The following PPP4R3B variants were observed in gnomAD, a reference collection of about 807,000 sequenced individuals.
PPP4R3B encodes the protein protein phosphatase 4 regulatory subunit 3B.
PPP4R3B carries 52 observed loss-of-function variants against 95.4 expected under a neutral mutation model. That is an observed-to-expected ratio of 0.54 (90% CI 0.44 to 0.69). PPP4R3B has a LOEUF of 0.69. Among genes scored for constraint, PPP4R3B ranks in the 30% least tolerant of loss-of-function variants. The pLI is 0.00. For missense variants in PPP4R3B, 1,003 were observed against 1,005.9 expected, an observed-to-expected ratio of 1.00 and a Z score of 0.04; for synonymous variants, 407 against 343.9, an observed-to-expected ratio of 1.18 and a Z score of -2.03.
chr2:55,557,633 C>T (rs1686023423), intron 16 of PPP4R3B, among the ~76,000 whole-genome samples: 1 of 152,202 alleles, frequency 6.6e-6, no homozygotes, highest in Admixed American at 6.5e-5. Context: ...TCTCACTATA[C>T]TACTGAATGA....
At chr2:55,604,813 C>CACACACACAT (rs1440216738) in intron 2 of PPP4R3B, among the ~76,000 whole-genome samples, 1 of 151,894 alleles carries the variant, frequency 6.6e-6, no homozygotes, top group Non-Finnish European at 1.5e-5. Flanking sequence ...CACACACACA[C>CACACACACAT]ACATACACAC....
chr2:55,614,392 A>G (rs545190908), intron 2 of PPP4R3B: 2 of 152,234 alleles, frequency 1.3e-5, no homozygotes, highest in Admixed American at 6.5e-5. Flanking sequence ...TATGTCATAC[A>G]TAAGAATACT....
At position 55,573,911 on chromosome 2, in the gene PPP4R3B, CAAA is replaced by C. The variant is rs202004671; in HGVS notation, c.1607-137_1607-135del. 283 of 474,114 alleles carry C rather than the reference CAAA, an allele frequency of 6.0e-4. 4 individuals are homozygous for C. In the East Asian group the frequency reaches 0.01, roughly 17 times the overall value. The allele number at this position is 474,114 out of a possible 1,614,324, so 29.4% of individuals were successfully genotyped here. ...CTTTTTTTTTTTTTTTTTTTTGAGACAAAGTCTCACTCTGTCACCCAGTTTGGA... is the reference window on the plus strand; with the variant it reads ...CTTTTTTTTTTTTTTTTTTTTGAGACGTCTCACTCTGTCACCCAGTTTGGA... On this transcript the variant is annotated intron_variant, in intron 11 of 16. Coordinates refer to ENST00000616407, the MANE Select transcript of PPP4R3B (RefSeq NM_001122964.3).
At chr2:55,568,102 A>T in intron 13 of PPP4R3B, 92 bp downstream of exon 13, 1 of 838,480 alleles carries the variant, frequency 1.2e-6, no homozygotes. Context: ...GTGAAAAGGG[A>T]ATGAAGTCAC....
chr2:55,565,545 C>T (rs1174713117), intron 13 of PPP4R3B, among the ~76,000 whole-genome samples: 2 of 151,964 alleles, frequency 1.3e-5, no homozygotes, highest in Non-Finnish European at 2.9e-5. Flanking sequence ...ACCCCAAATA[C>T]CCGGACTTGA....
At position 55,547,523 on chromosome 2, in the gene PPP4R3B, A is replaced by G. The variant is rs1684853642; in HGVS notation, c.*2388T>C. ...GGGATATTTTAAGCCTTGTTCTCTT[A>G]TCGTCGTAGGTAAGCACTTGTACCA... is the stretch of plus-strand genomic sequence containing the variant. On this transcript the variant is annotated 3_prime_UTR_variant, in exon 17 of 17. Transcript: ENST00000616407. The G allele has an allele frequency of 6.6e-6, 1 of 152,220 alleles. No individual in the cohort carries two copies. Among genetic ancestry groups the G allele is most frequent in the Admixed American group, 6.5e-5 (1 of 15,278 alleles). The allele number at this position is 152,220 out of a possible 1,614,324, so 9.4% of individuals were successfully genotyped here.
chr2:55,578,639 T>A (rs1324759470), intron 9 of PPP4R3B, among the ~76,000 whole-genome samples: 1 of 152,074 alleles, frequency 6.6e-6, no homozygotes, highest in Non-Finnish European at 1.5e-5. Flanking sequence ...TTTTATTCAT[T>A]TTCCTACCAC....
intron 1 of PPP4R3B, among the ~76,000 whole-genome samples, chr2:55,615,722 C>G (rs1196538009): frequency 6.6e-6 from 1 of 151,574 alleles, no homozygotes; most frequent in Admixed American, 6.6e-5. Context: ...CGTGGTGGCG[C>G]ATGCCTGTAG....
intron 6 of PPP4R3B, among the ~76,000 whole-genome samples, chr2:55,586,034 A>T (rs1690090800): frequency 6.6e-6 from 1 of 151,604 alleles, no homozygotes; most frequent in African/African-American, 2.4e-5. Flanking sequence ...ATTAGCAGGA[A>T]AAAAAAAGTA....
chr2:55,614,424 C>T (rs142482245), intron 2 of PPP4R3B: 1 of 152,224 alleles, frequency 6.6e-6, no homozygotes, highest in African/African-American at 2.4e-5. Context: ...AAAAAGAAAA[C>T]TAGATCTACA....
chr2:55,577,080 C>G (rs377571617), intron 11 of PPP4R3B, among the ~76,000 whole-genome samples: 37 of 152,272 alleles, frequency 2.4e-4, no homozygotes, highest in African/African-American at 8.4e-4. Flanking sequence ...CAGACAATGC[C>G]TTCTCATAAC....
In PPP4R3B at chr2:55,598,571, C is replaced by T. The variant is rs758543238; in HGVS notation, c.766G>A (p.Asp256Asn). The T allele has an allele frequency of 6.8e-6, 11 of 1,614,152 alleles. No individual in the cohort carries two copies. Among genetic ancestry groups the T allele is most frequent in the Non-Finnish European group, 9.3e-6 (11 of 1,180,028 alleles). The change falls in exon 4 of 17, where the codon GAC (aspartate) becomes AAC (asparagine). Residue 256 changes from aspartate to asparagine, a missense_variant. Physicochemically the swap from Asp to Asn is conservative, Grantham distance 23 (BLOSUM62 1). Coordinates refer to ENST00000616407, the MANE Select transcript of PPP4R3B (RefSeq NM_001122964.3). ...AKFKEVIPITDSELRQKIHQT... is the reference protein window; with the variant it reads ...AKFKEVIPITNSELRQKIHQT... Reference sequence around the variant, plus strand: ...TGTATTTTTTGCCTTAGTTCAGAGTCTGTTATTGGTATAACTTCCTTGAAC... The same window carrying T: ...TGTATTTTTTGCCTTAGTTCAGAGTTTGTTATTGGTATAACTTCCTTGAAC...
intron 10 of PPP4R3B, among the ~76,000 whole-genome samples, chr2:55,577,703 T>C (rs1294474891): frequency 6.6e-6 from 1 of 152,144 alleles, no homozygotes; most frequent in African/African-American, 2.4e-5. Context: ...CTATTTTTAA[T>C]TTTTTAAAAT....
chr2:55,580,335 T>G (rs1463271047), intron 8 of PPP4R3B, among the ~76,000 whole-genome samples: 1 of 152,298 alleles, frequency 6.6e-6, no homozygotes, highest in African/African-American at 2.4e-5. Flanking sequence ...ATAATCACTA[T>G]TGATCCCATT....
intron 8 of PPP4R3B, among the ~76,000 whole-genome samples, chr2:55,580,132 C>A (rs1388339178): frequency 6.6e-6 from 1 of 152,000 alleles, no homozygotes; most frequent in East Asian, 1.9e-4. Flanking sequence ...TAAAAAGATG[C>A]CTGTGATACG....
chr2:55,600,157 C>T (rs142178283), intron 3 of PPP4R3B, among the ~76,000 whole-genome samples: 57 of 152,116 alleles, frequency 3.7e-4, no homozygotes, highest in African/African-American at 1.2e-3. Flanking sequence ...TAAGGGGTGG[C>T]GGCTCACGCC....
At chr2:55,562,690 A>C (rs1686784829) in intron 15 of PPP4R3B, among the ~76,000 whole-genome samples, 1 of 152,214 alleles carries the variant, frequency 6.6e-6, no homozygotes, top group African/African-American at 2.4e-5. Flanking sequence ...TATTAGCTAG[A>C]ATCTTAGAAA....
intron 2 of PPP4R3B, among the ~76,000 whole-genome samples, chr2:55,609,891 GC>G (rs1258693371): frequency 6.6e-6 from 1 of 152,160 alleles, no homozygotes; most frequent in Non-Finnish European, 1.5e-5. Flanking sequence ...GATGTCAGTG[GC>G]CTCTAGCAAG....
At chr2:55,609,981 T>C (rs571509689) in intron 2 of PPP4R3B, among the ~76,000 whole-genome samples, 7 of 152,176 alleles carry the variant, frequency 4.6e-5, no homozygotes, top group African/African-American at 1.7e-4. Context: ...GGCTAATATA[T>C]TACACACTAA....
Sources: allele counts gnomAD v4.1 joint callset (sites outside exome capture counted in the v4.1 genomes callset), GRCh38; gene constraint gnomAD v4.1.1; transcripts MANE v1.5; gene names NCBI Gene and HGNC (gene_info 2026-07-23, HGNC 2026-07-21).